RHEX: variants seen among roughly 807,000 people sequenced by gnomAD.
RHEX encodes regulator of hemoglobinization and erythroid cell expansion protein.
RHEX carries 18 observed loss-of-function variants against 20.1 expected under a neutral mutation model. The observed-to-expected ratio is 0.90, with a 90% CI of 0.62 to 1.33. RHEX has a LOEUF of 1.33. Ranked by LOEUF, RHEX falls within the 40% of genes most tolerant of loss-of-function variation. The probability of loss-of-function intolerance (pLI) is 0.00; values close to 1 mark genes in which losing one functional copy is unlikely to be tolerated. For missense variants in RHEX, 192 were observed against 214.3 expected, an observed-to-expected ratio of 0.90 and a Z score of 0.65; for synonymous variants, 87 against 77.1, an observed-to-expected ratio of 1.13 and a Z score of -0.67.
intron 1 of RHEX, chr1:206,083,376 C>G (rs955495655): frequency 3.3e-6 from 1 of 300,652 alleles, no homozygotes; most frequent in Non-Finnish European, 4.9e-6. Flanking sequence ...TCTCCTCCAT[C>G]TACACAAACT....
chr1:206,072,827 G>C (rs1055131039), intron 1 of RHEX, among the ~76,000 whole-genome samples: 1 of 128,918 alleles, frequency 7.8e-6, no homozygotes, highest in Non-Finnish European at 1.6e-5. Flanking sequence ...TTCCTCCTGT[G>C]TCTTTTTTTT....
chr1:206,098,079 A>G lies in RHEX; in HGVS notation c.12-2A>G. 1 of 1,611,854 alleles carries G rather than the reference A, an allele frequency of 6.2e-7. No individual in the cohort carries two copies. The highest frequency in any genetic ancestry group is 8.5e-7 in the Non-Finnish European group (1 of 1,177,988). Reference sequence around the variant, plus strand: ...ACTTTGCCCCTTTTTCTTTCCCAACAGAGTCATGGAGGTCTGGCATGGCTT... The same window carrying G: ...ACTTTGCCCCTTTTTCTTTCCCAACGGAGTCATGGAGGTCTGGCATGGCTT... On this transcript the variant is annotated splice_acceptor_variant, in intron 2 of 5. Transcript: ENST00000331555. LOFTEE classifies it high-confidence loss of function.
At chr1:206,086,493 A>G (rs1662843384) in intron 1 of RHEX, among the ~76,000 whole-genome samples, 1 of 152,072 alleles carries the variant, frequency 6.6e-6, no homozygotes, top group Non-Finnish European at 1.5e-5. Context: ...AGCATTTTCA[A>G]TACTGAATGC....
Position 206,096,900 on chromosome 1 carries a change from A to C in RHEX, c.-96-833A>C, listed in dbSNP as rs1571873718. ...AGCGATCCTCCCACCTCAGCCTCCT[A>C]AGTAGCTGGGACCACAGGCACATGC... On this transcript the variant is annotated intron_variant, in intron 1 of 5. Transcript: ENST00000331555. Among the ~76,000 whole-genome samples, 3 of 151,324 alleles carry C rather than the reference A, an allele frequency of 2.0e-5. No homozygotes were observed. In the South Asian group the frequency reaches 6.3e-4, roughly 32 times the overall value.
chr1:206,096,781 G>GTTTTTTTTTTTTTTTTTTTTTTTTTT (rs1212622253), intron 1 of RHEX, among the ~76,000 whole-genome samples: 1 of 132,926 alleles, frequency 7.5e-6, no homozygotes, highest in African/African-American at 3.0e-5. Context: ...TTTTTTTTTG[G>GTTTTTTTTTTTTTTTTTTTTTTTTTT]TTTTTTTTTT....
chr1:206,064,082 C>A lies in RHEX; in HGVS notation c.-97+10817C>A, dbSNP rs563721617. The stretch of plus-strand genomic sequence containing the variant: ...TGTGAGGAGCGCCTCTGCCCAGCCG[C>A]GACCCCGTCTGGGAGGTGAGGAGCG... On this transcript the variant is annotated intron_variant, in intron 1 of 5. Coordinates refer to ENST00000331555, the MANE Select transcript of RHEX (RefSeq NM_001007544.4). 3.3e-5 allele frequency among the ~76,000 whole-genome samples: 5 copies of A among 149,794 alleles called. No individual in the cohort carries two copies. In the East Asian group the frequency reaches 1.0e-3, roughly 30 times the overall value.
chr1:206,073,933 G>A (rs558738252), intron 1 of RHEX, among the ~76,000 whole-genome samples: 1 of 152,076 alleles, frequency 6.6e-6, no homozygotes, highest in African/African-American at 2.4e-5. Flanking sequence ...ACTATCTGTC[G>A]GTTAAATCCA....
At chr1:206,096,772 T>TTG (rs1214192207) in intron 1 of RHEX, among the ~76,000 whole-genome samples, 29 of 140,542 alleles carry the variant, frequency 2.1e-4, no homozygotes, top group Middle Eastern at 3.4e-3. Context: ...CCTGTTTTTT[T>TTG]TTTTTTTGGT....
At chr1:206,089,334 C>T (rs1243418860) in intron 1 of RHEX, among the ~76,000 whole-genome samples, 2 of 152,026 alleles carry the variant, frequency 1.3e-5, no homozygotes, top group African/African-American at 2.4e-5. Context: ...TGAGCCACCA[C>T]GCCCAGCCTT....
intron 1 of RHEX, among the ~76,000 whole-genome samples, chr1:206,055,232 G>T (rs1348103022): frequency 1.3e-5 from 2 of 152,272 alleles, no homozygotes; most frequent in African/African-American, 2.4e-5. Flanking sequence ...CCAACACTAA[G>T]TTCACTTCAT....
chr1:206,087,717 GT>G (rs1662866891), intron 1 of RHEX, among the ~76,000 whole-genome samples: 1 of 152,140 alleles, frequency 6.6e-6, no homozygotes, highest in Admixed American at 6.5e-5. Flanking sequence ...GATAAATTTG[GT>G]GTCATGCTGA....
intron 1 of RHEX, chr1:206,083,717 A>G: frequency 1.2e-6 from 1 of 851,982 alleles, no homozygotes; most frequent in Non-Finnish European, 1.4e-6. Flanking sequence ...GCGAGCATAT[A>G]TGTGTAGAAG....
chr1:206,091,079 C>T (rs1405925176), intron 1 of RHEX, among the ~76,000 whole-genome samples: 2 of 152,206 alleles, frequency 1.3e-5, no homozygotes, highest in Non-Finnish European at 2.9e-5. Flanking sequence ...CCTGCCTGAG[C>T]ACAAAGGCTG....
intron 1 of RHEX, among the ~76,000 whole-genome samples, chr1:206,092,816 T>C (rs1363829922): frequency 6.6e-6 from 1 of 152,216 alleles, no homozygotes; most frequent in African/African-American, 2.4e-5. Context: ...CATATTAAAC[T>C]GGGAGAGAAA....
At chr1:206,092,073 T>TC (rs1553287111) in intron 1 of RHEX, among the ~76,000 whole-genome samples, 1 of 150,436 alleles carries the variant, frequency 6.6e-6, no homozygotes. Flanking sequence ...TTTCTCTCTC[T>TC]TTCTTTCTTT....
intron 1 of RHEX, among the ~76,000 whole-genome samples, chr1:206,093,333 G>C (rs1390103564): frequency 7.3e-5 from 11 of 150,842 alleles, no homozygotes; most frequent in African/African-American, 2.7e-4. Flanking sequence ...GTACAGTGGC[G>C]TGATCTCAGC....
chr1:206,098,521 C>A (rs78971622), intron 3 of RHEX: 3,621 of 230,664 alleles, frequency 0.016, 118 homozygotes, highest in African/African-American at 0.074. Flanking sequence ...TGTTAAAGGA[C>A]TGAATATGAA....
chr1:206,058,180 A>G (rs1662233655), intron 1 of RHEX, among the ~76,000 whole-genome samples: 1 of 152,268 alleles, frequency 6.6e-6, no homozygotes, highest in South Asian at 2.1e-4. Flanking sequence ...GTTCCCAGCA[A>G]TAGGTGGATT....
At chr1:206,081,384 A>G (rs1298187217) in intron 1 of RHEX, among the ~76,000 whole-genome samples, 1 of 152,212 alleles carries the variant, frequency 6.6e-6, no homozygotes, top group Non-Finnish European at 1.5e-5. Context: ...AATACACAAA[A>G]CCATGAGATT....
Sources: allele counts gnomAD v4.1 joint callset (sites outside exome capture counted in the v4.1 genomes callset), GRCh38; gene constraint gnomAD v4.1.1; transcripts MANE v1.5; gene names NCBI Gene and HGNC (gene_info 2026-07-23, HGNC 2026-07-21).